L3MBTL4: variants seen among roughly 807,000 people sequenced by gnomAD.
The protein encoded by L3MBTL4 is L3MBTL histone methyl-lysine binding protein 4.
In L3MBTL4, 70 loss-of-function variants were observed where a neutral mutation model predicts 84.5. That is an observed-to-expected ratio of 0.83 (90% CI 0.68 to 1.01). L3MBTL4 has a LOEUF of 1.01. L3MBTL4 is among the 50% of genes least tolerant of loss of function. The pLI, the probability that L3MBTL4 is intolerant of heterozygous loss-of-function variation, is 0.00. For synonymous variants in L3MBTL4, 274 were observed against 259.8 expected, an observed-to-expected ratio of 1.05 and a Z score of -0.52; for missense variants, 715 against 754.8, an observed-to-expected ratio of 0.95 and a Z score of 0.62.
intron 13 of L3MBTL4, among the ~76,000 whole-genome samples, chr18:6,146,777 A>G (rs987342799): frequency 6.6e-6 from 1 of 152,110 alleles, no homozygotes; most frequent in African/African-American, 2.4e-5. Flanking sequence ...AAAATTTGAT[A>G]ATGTAGGGAG....
intron 15 of L3MBTL4, among the ~76,000 whole-genome samples, chr18:6,085,547 C>T (rs991962677): frequency 1.3e-5 from 2 of 152,048 alleles, no homozygotes; most frequent in African/African-American, 2.4e-5. Context: ...GGGCAGTTTC[C>T]CCATGCTGTT....
At position 5,956,347 on chromosome 18, in the gene L3MBTL4, T is replaced by C. The variant is rs1264834431; in HGVS notation, c.1718A>G (p.Asp573Gly). ...TTTGATCTTCATCACTTTGACAATG[T>C]CCGTCTGTGTCAGAAGCAGGAAGGC... is the stretch of plus-strand genomic sequence containing the variant. The part of the protein sequence containing the change: ...GKAFLLLTQT[D>G]IVKVMKIKLG... The change falls in exon 19 of 19, where the codon GAC becomes GGC. Residue 573 changes from aspartate (D) to glycine (G), a missense_variant. Asp to Gly is a moderately conservative substitution (Grantham distance 94). Coordinates refer to ENST00000317931, the MANE Select transcript of L3MBTL4 (RefSeq NM_001330559.2). The C allele has an allele frequency of 6.2e-7, 1 of 1,614,148 alleles. No homozygotes were observed. Among genetic ancestry groups the C allele is most frequent in the Non-Finnish European group, 8.5e-7 (1 of 1,180,008 alleles).
intron 5 of L3MBTL4, among the ~76,000 whole-genome samples, chr18:6,247,205 G>C (rs1238728846): frequency 6.6e-6 from 1 of 151,986 alleles, no homozygotes; most frequent in Non-Finnish European, 1.5e-5. Context: ...CCATAACTCA[G>C]TTATTAACTG....
At chr18:6,385,919 T>C (rs1180310664) in intron 1 of L3MBTL4, among the ~76,000 whole-genome samples, 5 of 152,132 alleles carry the variant, frequency 3.3e-5, no homozygotes, top group African/African-American at 1.2e-4. Context: ...GCCAATGCCA[T>C]AGATAAAGGT....
At chr18:6,321,871 T>C (rs1464657668) in intron 1 of L3MBTL4, among the ~76,000 whole-genome samples, 4 of 151,936 alleles carry the variant, frequency 2.6e-5, no homozygotes, top group African/African-American at 9.7e-5. Flanking sequence ...TACTCTGTGG[T>C]ATAATGACCT....
chr18:6,076,910 G>A (rs555647190), intron 16 of L3MBTL4, among the ~76,000 whole-genome samples: 1 of 152,184 alleles, frequency 6.6e-6, no homozygotes, highest in East Asian at 1.9e-4. Flanking sequence ...GGCCGTGAGA[G>A]TGACATCTCT....
chr18:6,402,990 G>A (rs2055574288), intron 1 of L3MBTL4, among the ~76,000 whole-genome samples: 1 of 152,168 alleles, frequency 6.6e-6, no homozygotes, highest in Non-Finnish European at 1.5e-5. Flanking sequence ...GAAAGAAGGG[G>A]GAAGTAGGTT....
chr18:5,984,753 G>T (rs1195640564), intron 16 of L3MBTL4, among the ~76,000 whole-genome samples: 1 of 152,170 alleles, frequency 6.6e-6, no homozygotes, highest in Non-Finnish European at 1.5e-5. Flanking sequence ...TTTTCATCCA[G>T]AGTGAATCTG....
chr18:6,377,284 C>T (rs1200432786), intron 1 of L3MBTL4, among the ~76,000 whole-genome samples: 1 of 152,048 alleles, frequency 6.6e-6, no homozygotes, highest in Non-Finnish European at 1.5e-5. Flanking sequence ...CTGGCCGTGT[C>T]CACTTTTCTT....
At chr18:6,043,073 C>T (rs1490938189) in intron 16 of L3MBTL4, among the ~76,000 whole-genome samples, 1 of 152,120 alleles carries the variant, frequency 6.6e-6, no homozygotes, top group Non-Finnish European at 1.5e-5. Context: ...TGTCTCACAC[C>T]CCCATTATCC....
rs548535135 is a variant in L3MBTL4, at chr18:6,238,558, G to A, written c.708-518C>T. 3.9e-5 allele frequency among the ~76,000 whole-genome samples: 6 copies of A among 152,184 alleles called. No homozygotes were observed. The South Asian group carries it at 6.2e-4, about 16-fold the overall frequency. ...AAAAAAAAAAAGTATAAAATTAACA[G>A]AGGATTGCCAAGGGCCTGAATGAGC... On this transcript the variant is annotated intron_variant, in intron 9 of 18. Coordinates refer to ENST00000317931, the MANE Select transcript of L3MBTL4 (RefSeq NM_001330559.2).
intron 4 of L3MBTL4, among the ~76,000 whole-genome samples, chr18:6,280,913 AG>A (rs1331578843): frequency 3.9e-5 from 6 of 152,192 alleles, no homozygotes; most frequent in African/African-American, 1.4e-4. Flanking sequence ...TTCAGAAGGA[AG>A]CAGCCCTCCT....
At chr18:6,021,209 C>A (rs1469800453) in intron 16 of L3MBTL4, among the ~76,000 whole-genome samples, 1 of 152,186 alleles carries the variant, frequency 6.6e-6, no homozygotes, top group Non-Finnish European at 1.5e-5. Flanking sequence ...CAGGGCCAGG[C>A]TGTGAGGATA....
chr18:6,071,696 AGAAAGAAAGAAAGAAAGAAG>A (rs879471903), intron 16 of L3MBTL4, among the ~76,000 whole-genome samples: 11,495 of 132,672 alleles, frequency 0.087, 1,824 homozygotes, highest in African/African-American at 0.3. Context: ...AAAGAAAGAA[AGAAAGAAAGAAAGAAAGAAG>A]GAAAGAAAGA....
chr18:6,011,237 A>G (rs1365908893), intron 16 of L3MBTL4, among the ~76,000 whole-genome samples: 3 of 152,240 alleles, frequency 2.0e-5, no homozygotes, highest in Non-Finnish European at 2.9e-5. Context: ...AAAATACACA[A>G]GAAGACAAGC....
intron 4 of L3MBTL4, among the ~76,000 whole-genome samples, chr18:6,295,956 T>C (rs1175903181): frequency 2.0e-5 from 3 of 152,230 alleles, no homozygotes; most frequent in Admixed American, 6.5e-5. Context: ...TCTGTATTAA[T>C]AGGACTTGAA....
chr18:6,267,907 G>T (rs966617673), intron 4 of L3MBTL4, among the ~76,000 whole-genome samples: 1 of 152,232 alleles, frequency 6.6e-6, no homozygotes, highest in African/African-American at 2.4e-5. Context: ...GCCTGTAGAC[G>T]GGTCCTCCCT....
chr18:6,396,496 C>A (rs456490), intron 1 of L3MBTL4: 61,203 of 151,938 alleles, frequency 0.4, 12,507 homozygotes, highest in Middle Eastern at 0.47. Context: ...AAATTGTTCT[C>A]TCTACAAATA....
intron 16 of L3MBTL4, among the ~76,000 whole-genome samples, chr18:6,056,762 T>C (rs2057040655): frequency 1.3e-5 from 2 of 152,182 alleles, no homozygotes; most frequent in Non-Finnish European, 2.9e-5. Context: ...GGAAAAGCTC[T>C]GGATTTGCAG....
Sources: allele counts gnomAD v4.1 joint callset (sites outside exome capture counted in the v4.1 genomes callset), GRCh38; gene constraint gnomAD v4.1.1; transcripts MANE v1.5; gene names NCBI Gene and HGNC (gene_info 2026-07-23, HGNC 2026-07-21).